The following SLC44A5 variants were observed in gnomAD, a reference collection of about 807,000 sequenced individuals.
The protein encoded by SLC44A5 is choline transporter-like protein 5.
A neutral mutation model predicts 101.8 loss-of-function variants in SLC44A5; 57 were observed. The ratio of observed to expected loss-of-function variants is 0.56; its 90% CI spans 0.45 to 0.70. SLC44A5 has a LOEUF of 0.70. SLC44A5 is among the 30% of genes least tolerant of loss of function. The pLI is 0.00. For missense variants in SLC44A5, 737 were observed against 853.1 expected (o/e 0.86, Z 1.70); for synonymous variants, 281 against 290.9 (o/e 0.97, Z 0.35).
chr1:75,673,369 C>T, the SLC44A5 span, among the ~76,000 whole-genome samples: 1 of 152,022 alleles, frequency 6.6e-6, no homozygotes, highest in Non-Finnish European at 1.5e-5. Flanking sequence ...AAGACTTTCT[C>T]TTGTGGCTTG....
At chr1:75,630,439 A>G in the SLC44A5 span, among the ~76,000 whole-genome samples, 10 of 152,338 alleles carry the variant, frequency 6.6e-5, no homozygotes, top group Middle Eastern at 6.8e-3. Flanking sequence ...CAGACTGGGC[A>G]GTTCCAGCTA....
the SLC44A5 span, among the ~76,000 whole-genome samples, chr1:75,630,146 A>G: frequency 1.3e-5 from 2 of 152,104 alleles, no homozygotes; most frequent in African/African-American, 2.4e-5. Context: ...TACAGTTGTA[A>G]TCTACCCGCA....
chr1:75,282,008 G>A (rs574835751), intron 5 of SLC44A5, among the ~76,000 whole-genome samples: 1 of 152,132 alleles, frequency 6.6e-6, no homozygotes, highest in Non-Finnish European at 1.5e-5. Flanking sequence ...CCATCCTCTA[G>A]ATCCCAGAAT....
chr1:75,346,152 C>T (rs79602490), intron 3 of SLC44A5, among the ~76,000 whole-genome samples: 2,237 of 152,196 alleles, frequency 0.015, 20 homozygotes, highest in Middle Eastern at 0.041. Context: ...AAATGAGATT[C>T]CTTCAGCACT....
intron 2 of SLC44A5, among the ~76,000 whole-genome samples, chr1:75,505,163 C>T (rs1669177929): frequency 6.6e-6 from 1 of 152,136 alleles, no homozygotes; most frequent in Admixed American, 6.6e-5. Flanking sequence ...CTGCAAAGGA[C>T]ATGATTTTGT....
intron 3 of SLC44A5, among the ~76,000 whole-genome samples, chr1:75,364,868 C>G (rs1177431194): frequency 2.0e-5 from 3 of 152,150 alleles, no homozygotes; most frequent in Non-Finnish European, 4.4e-5. Flanking sequence ...AAGCCTGCTA[C>G]TGAAGTTTTC....
intron 9 of SLC44A5, among the ~76,000 whole-genome samples, chr1:75,241,329 T>A (rs891268491): frequency 6.6e-5 from 10 of 152,018 alleles, no homozygotes; most frequent in Admixed American, 1.3e-4. Context: ...GCTCAAGTGA[T>A]CCTCCCTTCT....
intron 3 of SLC44A5, among the ~76,000 whole-genome samples, chr1:75,388,546 C>T (rs191334321): frequency 2.6e-4 from 39 of 151,924 alleles, no homozygotes; most frequent in South Asian, 4.1e-4. Context: ...TTTGGGAGGC[C>T]GAGGCGGGTG....
At chr1:75,301,759 T>C (rs931833806) in intron 4 of SLC44A5, among the ~76,000 whole-genome samples, 1 of 152,194 alleles carries the variant, frequency 6.6e-6, no homozygotes, top group African/African-American at 2.4e-5. Flanking sequence ...CTATTATGGG[T>C]AGTAAAGTGA....
intron 3 of SLC44A5, among the ~76,000 whole-genome samples, chr1:75,385,753 C>T (rs1261264472): frequency 6.6e-6 from 1 of 151,962 alleles, no homozygotes; most frequent in South Asian, 2.1e-4. Flanking sequence ...GAGACACCAC[C>T]AAAAAAGAGA....
At chr1:75,630,051 C>T in the SLC44A5 span, among the ~76,000 whole-genome samples, 2 of 152,144 alleles carry the variant, frequency 1.3e-5, no homozygotes, top group Non-Finnish European at 2.9e-5. Context: ...CTAGCTCCAT[C>T]CCCCCAATTT....
At chr1:75,334,934 T>C (rs1657325555) in intron 4 of SLC44A5, among the ~76,000 whole-genome samples, 1 of 152,150 alleles carries the variant, frequency 6.6e-6, no homozygotes, top group Non-Finnish European at 1.5e-5. Context: ...TACCACGTTG[T>C]AGTTAGTTGC....
intron 12 of SLC44A5, among the ~76,000 whole-genome samples, chr1:75,230,616 T>C (rs111956210): frequency 1.0e-3 from 152 of 151,548 alleles, no homozygotes; most frequent in African/African-American, 3.6e-3. Flanking sequence ...CTTTCTTTCT[T>C]GATTTGTTTT....
At chr1:75,314,142 T>C (rs561754351) in intron 4 of SLC44A5, among the ~76,000 whole-genome samples, 2 of 152,316 alleles carry the variant, frequency 1.3e-5, no homozygotes, top group South Asian at 4.2e-4. Context: ...TTGGTCTTTA[T>C]TGTTCTCCTC....
intron 4 of SLC44A5, among the ~76,000 whole-genome samples, chr1:75,316,969 A>G (rs1194259148): frequency 6.6e-6 from 1 of 152,222 alleles, no homozygotes; most frequent in Non-Finnish European, 1.5e-5. Context: ...CAGAGGGCAA[A>G]TCATTTCTAG....
chr1:75,481,669 G>A (rs1277800275), intron 2 of SLC44A5, among the ~76,000 whole-genome samples: 1 of 152,008 alleles, frequency 6.6e-6, no homozygotes, highest in African/African-American at 2.4e-5. Context: ...CACCATCACT[G>A]GCCATCAGAG....
Position 75,454,248 on chromosome 1 carries a change from G to A in SLC44A5, c.14-57627C>T, listed in dbSNP as rs144487374. Among the ~76,000 whole-genome samples the A allele has an allele frequency of 5.9e-3, 892 of 152,066 alleles. 6 individuals are homozygous for A. The highest frequency in any genetic ancestry group is 0.014 in the Middle Eastern group (4 of 294). ...TGGTATACAAGTTGGTTCAACATGC[G>A]CAAATCAATAAATGTGATTCATCTT... is the stretch of plus-strand genomic sequence containing the variant. On this transcript the variant is annotated intron_variant, in intron 2 of 23. Coordinates refer to ENST00000370859, the MANE Select transcript of SLC44A5 (RefSeq NM_001130058.2).
chr1:75,478,413 A>C (rs1006959728), intron 2 of SLC44A5, among the ~76,000 whole-genome samples: 48 of 152,222 alleles, frequency 3.2e-4, no homozygotes, highest in African/African-American at 9.2e-4. Context: ...ATTAACTTTA[A>C]ATGTAAATGG....
At chr1:75,214,121 C>T in intron 20 of SLC44A5, 132 bp from the exon 21 acceptor site, 1 of 647,298 alleles carries the variant, frequency 1.5e-6, no homozygotes, top group Non-Finnish European at 2.7e-6. Context: ...AATTGTTTTG[C>T]AAGAAATGAT....
Sources: allele counts gnomAD v4.1 joint callset (sites outside exome capture counted in the v4.1 genomes callset), GRCh38; gene constraint gnomAD v4.1.1; transcripts MANE v1.5; gene names NCBI Gene and HGNC (gene_info 2026-07-23, HGNC 2026-07-21).